NAV1: variants seen among roughly 807,000 people sequenced by gnomAD.
NAV1 encodes pore membrane and/or filament interacting like protein 3.
In NAV1, 18 loss-of-function variants were observed where a neutral mutation model predicts 175.2. That is an observed-to-expected ratio of 0.10 (90% confidence interval 0.07 to 0.15). NAV1 has a LOEUF of 0.15. Ranked by LOEUF, NAV1 falls within the 10% of genes least tolerant of loss-of-function variation. NAV1 has a pLI of 1.00. For synonymous variants in NAV1, 897 were observed against 978.7 expected (o/e 0.92, Z 1.56); for missense variants, 1,731 against 2,436.6 (o/e 0.71, Z 6.10).
At chr1:201,598,314 G>A (rs753829327) in intron 2 of NAV1, among the ~76,000 whole-genome samples, 25 of 152,348 alleles carry the variant, frequency 1.6e-4, no homozygotes, top group Non-Finnish European at 3.2e-4. Flanking sequence ...AAAGAATGAG[G>A]CAGGGCAGAG....
In NAV1 at chr1:201,750,237, C is replaced by CT. The variant is rs1674018217; in HGVS notation, c.1227-30183dup. Among the ~76,000 whole-genome samples the CT allele has an allele frequency of 6.6e-6, 1 of 152,174 alleles. No homozygotes were observed. Among genetic ancestry groups the CT allele is most frequent in the African/African-American group, 2.4e-5 (1 of 41,434 alleles). On this transcript the variant is annotated intron_variant, in intron 3 of 29. Transcript: ENST00000367296. The surrounding 1 kb of genome is among the most constrained non-coding windows in gnomAD (Gnocchi z 4.1). ...CAAGGATTTTACATGTAATGAGTGC[C>CT]TAAGGAAGGTATGAAAAACCCTTCC...
chr1:201,621,062 G>A (rs1226448385), upstream of NAV1, among the ~76,000 whole-genome samples: 2 of 151,426 alleles, frequency 1.3e-5, no homozygotes, highest in Non-Finnish European at 2.9e-5. Context: ...TGGGACTACA[G>A]GCACACACTA....
chr1:201,639,179 G>C (rs1219646084), intron 2 of NAV1, among the ~76,000 whole-genome samples: 2 of 152,220 alleles, frequency 1.3e-5, no homozygotes, highest in African/African-American at 4.8e-5. Context: ...GGCATTTAGA[G>C]GAAAGCATTA....
chr1:201,788,896 G>T lies in NAV1; in HGVS notation c.3166+258G>T, dbSNP rs924608189. On this transcript the variant is annotated intron_variant, in intron 10 of 29. Transcript: ENST00000367296. The surrounding 1 kb of genome is among the most constrained non-coding windows in gnomAD (Gnocchi z 5.7). ...GGGGGAGGGAAATTGAGCATGGAAG[G>T]GTTAAATGGCATCCCTCAGGATGCT... Among the ~76,000 whole-genome samples, 15 of 152,162 alleles carry T rather than the reference G, an allele frequency of 9.9e-5. 1 individual carries two copies. Among genetic ancestry groups the T allele is most frequent in the Admixed American group, 3.9e-4 (6 of 15,286 alleles).
chr1:201,663,542 T>C (rs1231901932), intron 1 of NAV1, among the ~76,000 whole-genome samples: 1 of 152,192 alleles, frequency 6.6e-6, no homozygotes, highest in Non-Finnish European at 1.5e-5. Context: ...AATCTCTCCA[T>C]TGGCCAACAA....
chr1:201,616,204 C>T (rs1667998796), intron 2 of NAV1, among the ~76,000 whole-genome samples: 1 of 152,118 alleles, frequency 6.6e-6, no homozygotes, highest in Admixed American at 6.5e-5. Flanking sequence ...TAGGTCACAC[C>T]ACCAGCAAAT....
At chr1:201,765,542 G>A (rs1045972722) in intron 3 of NAV1, among the ~76,000 whole-genome samples, 5 of 151,864 alleles carry the variant, frequency 3.3e-5, no homozygotes, top group South Asian at 2.1e-4. Context: ...CGACAGGCGC[G>A]TGCCACCACA....
chr1:201,648,568 C>CCCTCCTCCTCCCCCG (rs1258620279), exon 1 of NAV1: 19 of 1,261,554 alleles, frequency 1.5e-5, no homozygotes, highest in Non-Finnish European at 1.7e-5. Flanking sequence ...CTCTCTCTCC[C>CCCTCCTCCTCCCCCG]CCTCCTCCTC....
At chr1:201,619,716 C>T (rs915092647), upstream of NAV1, among the ~76,000 whole-genome samples, 7 of 152,196 alleles carry the variant, frequency 4.6e-5, 1 homozygote, top group African/African-American at 1.7e-4. Flanking sequence ...CAGGGTCTCC[C>T]AGTCTGTGTC....
chr1:201,816,832 T>A, intron 28 of NAV1: 1 of 457,586 alleles, frequency 2.2e-6, no homozygotes, highest in Admixed American at 3.8e-5. Flanking sequence ...CATGGCTAAT[T>A]TTTTTTTTCT....
At chr1:201,606,336 G>T (rs1473928682) in intron 2 of NAV1, among the ~76,000 whole-genome samples, 1 of 152,200 alleles carries the variant, frequency 6.6e-6, no homozygotes, top group Non-Finnish European at 1.5e-5. Context: ...GGTAGACAGT[G>T]CATGGAAGAC....
chr1:201,662,412 G>A (rs184593182), intron 1 of NAV1, among the ~76,000 whole-genome samples: 1 of 152,332 alleles, frequency 6.6e-6, no homozygotes, highest in Admixed American at 6.5e-5. Flanking sequence ...CTGCTACAGG[G>A]GATAGGTGTG....
chr1:201,679,862 G>T (rs908664908), intron 1 of NAV1, among the ~76,000 whole-genome samples: 1 of 152,136 alleles, frequency 6.6e-6, no homozygotes, highest in Non-Finnish European at 1.5e-5. Flanking sequence ...CATAATACTT[G>T]TAAATTATTT....
chr1:201,805,988 TC>T (rs1236213928), intron 17 of NAV1, among the ~76,000 whole-genome samples: 2 of 99,746 alleles, frequency 2.0e-5, no homozygotes, highest in African/African-American at 8.2e-5. Flanking sequence ...TCTCTCTCTC[TC>T]TTTTTTTTTT....
intron 3 of NAV1, among the ~76,000 whole-genome samples, chr1:201,766,883 C>T (rs1675243667): frequency 1.3e-5 from 2 of 151,960 alleles, no homozygotes; most frequent in East Asian, 1.9e-4. Flanking sequence ...AGTGCAGTGG[C>T]GCGATCTCAG....
At chr1:201,633,387 G>C (rs138413664) in intron 2 of NAV1, among the ~76,000 whole-genome samples, 276 of 152,300 alleles carry the variant, frequency 1.8e-3, no homozygotes, top group African/African-American at 6.2e-3. Context: ...AGGCTCAGAA[G>C]GGTTATATAA....
intron 1 of NAV1, among the ~76,000 whole-genome samples, chr1:201,551,377 C>T (rs1291566180): frequency 6.6e-6 from 1 of 152,130 alleles, no homozygotes; most frequent in Non-Finnish European, 1.5e-5. Context: ...TACAGGAGCA[C>T]ACCACCACAC....
chr1:201,642,013 CTCTT>C (rs906607369), intron 2 of NAV1, among the ~76,000 whole-genome samples: 44 of 149,750 alleles, frequency 2.9e-4, no homozygotes, highest in Non-Finnish European at 4.9e-4. Flanking sequence ...CCTTCCTTCT[CTCTT>C]TCTTTCTCTT....
chr1:201,648,597 C>T, exon 1 of NAV1: 1 of 1,270,784 alleles, frequency 7.9e-7, no homozygotes, highest in African/African-American at 1.5e-5. Flanking sequence ...CCTCCTCCTG[C>T]GCTCCCGCCC....
Sources: allele counts gnomAD v4.1 joint callset (sites outside exome capture counted in the v4.1 genomes callset), GRCh38; gene constraint gnomAD v4.1.1; non-coding constraint Gnocchi (gnomAD v3.1); transcripts MANE v1.5; gene names NCBI Gene and HGNC (gene_info 2026-07-23, HGNC 2026-07-21).